The following CIMIP2A variants were observed in gnomAD, a reference collection of about 807,000 sequenced individuals.
The protein encoded by CIMIP2A is ciliary microtubule inner protein 2A, also known as family with sequence similarity 166 member A.
At chr9:137,253,263 C>T in the CIMIP2A span, 47 of 1,597,606 alleles carry the variant, frequency 2.9e-5, no homozygotes, top group South Asian at 1.6e-4. Flanking sequence ...TGGGCACAAC[C>T]TGCTTGGCCC....
the CIMIP2A span, among the ~76,000 whole-genome samples, chr9:137,248,742 C>T: frequency 6.6e-6 from 1 of 152,054 alleles, no homozygotes; most frequent in Non-Finnish European, 1.5e-5. Context: ...GGTGAATGTG[C>T]CTGTGATCCC....
chr9:137,250,116 A>G, the CIMIP2A span: 1 of 152,178 alleles, frequency 6.6e-6, no homozygotes, highest in African/African-American at 2.4e-5. Flanking sequence ...CCCTCCCTCA[A>G]CATTTGGGCA....
chr9:137,252,907 C>T, the CIMIP2A span: 8 of 1,598,650 alleles, frequency 5.0e-6, no homozygotes, highest in Admixed American at 8.6e-5. Flanking sequence ...TGCAGAGCCC[C>T]CGCTCGCCGG....
At chr9:137,252,512 A>G in the CIMIP2A span, 1 of 1,546,788 alleles carries the variant, frequency 6.5e-7, no homozygotes, top group Non-Finnish European at 8.7e-7. Context: ...GCTGACTTCG[A>G]CCAAGAGCAA....
At chr9:137,254,650 C>T in the CIMIP2A span, among the ~76,000 whole-genome samples, 4 of 152,186 alleles carry the variant, frequency 2.6e-5, no homozygotes, top group Admixed American at 2.6e-4. Flanking sequence ...GGGCTTGGCG[C>T]GGCACAGCCT....
chr9:137,248,260 G>T, the CIMIP2A span, among the ~76,000 whole-genome samples: 1 of 152,166 alleles, frequency 6.6e-6, no homozygotes, highest in Non-Finnish European at 1.5e-5. Context: ...AAAAATGAAG[G>T]AAGGCGGCCA....
the CIMIP2A span, among the ~76,000 whole-genome samples, chr9:137,248,150 T>C: frequency 3.3e-5 from 5 of 152,324 alleles, no homozygotes; most frequent in Middle Eastern, 3.4e-3. Flanking sequence ...CTGTGCGAAC[T>C]CTCCCTCCAG....
the CIMIP2A span, among the ~76,000 whole-genome samples, chr9:137,246,605 T>C: frequency 3.9e-5 from 6 of 152,076 alleles, no homozygotes; most frequent in African/African-American, 1.4e-4. Flanking sequence ...CTATTAAAAA[T>C]GCAAAAAGTT....
At chr9:137,245,061 C>T in the CIMIP2A span, 1 of 1,610,772 alleles carries the variant, frequency 6.2e-7, no homozygotes, top group Non-Finnish European at 8.5e-7. Flanking sequence ...GGGCGGCCTT[C>T]TCCAGCCCAG....
the CIMIP2A span, among the ~76,000 whole-genome samples, chr9:137,249,222 T>C: frequency 6.6e-6 from 1 of 152,258 alleles, no homozygotes; most frequent in African/African-American, 2.4e-5. Flanking sequence ...AGGACCATAA[T>C]CACATACATG....
At chr9:137,253,271 C>G in the CIMIP2A span, 1 of 1,592,442 alleles carries the variant, frequency 6.3e-7, no homozygotes, top group East Asian at 2.3e-5. Context: ...ACCTGCTTGG[C>G]CCGGCCACCG....
At chr9:137,246,969 C>T in the CIMIP2A span, among the ~76,000 whole-genome samples, 4 of 151,920 alleles carry the variant, frequency 2.6e-5, no homozygotes, top group Admixed American at 6.6e-5. Flanking sequence ...GGCAGCCTGG[C>T]GTTTGCTTGC....
chr9:137,246,101 C>T, the CIMIP2A span, among the ~76,000 whole-genome samples: 1 of 152,350 alleles, frequency 6.6e-6, no homozygotes, highest in East Asian at 1.9e-4. Flanking sequence ...AGCAGATGGC[C>T]GCCTGCCTTG....
At chr9:137,245,650 G>T in the CIMIP2A span, 1 of 1,607,540 alleles carries the variant, frequency 6.2e-7, no homozygotes, top group Non-Finnish European at 8.5e-7. Context: ...GGTGTAGTGG[G>T]GGATGTAGGG....
At chr9:137,245,819 C>T in the CIMIP2A span, 16 of 1,509,794 alleles carry the variant, frequency 1.1e-5, no homozygotes, top group Non-Finnish European at 1.4e-5. Context: ...GTGTTCCCCA[C>T]CTGGTAGCGC....
the CIMIP2A span, chr9:137,251,078 A>G: frequency 1.7e-6 from 1 of 578,482 alleles, no homozygotes; most frequent in Non-Finnish European, 3.1e-6. Flanking sequence ...CTGGGCCAGG[A>G]GTCACCGGGG....
the CIMIP2A span, chr9:137,243,785 A>T: frequency 3.1e-6 from 5 of 1,613,916 alleles, no homozygotes; most frequent in Non-Finnish European, 4.2e-6. Flanking sequence ...GTTGTCCTGC[A>T]TGGCTGCGGG....
the CIMIP2A span, among the ~76,000 whole-genome samples, chr9:137,254,627 G>A: frequency 1.3e-5 from 2 of 152,274 alleles, no homozygotes; most frequent in African/African-American, 2.4e-5. Context: ...AAAAGAGAGA[G>A]GGTGTGTGTA....
At chr9:137,248,341 G>C in the CIMIP2A span, among the ~76,000 whole-genome samples, 1 of 151,478 alleles carries the variant, frequency 6.6e-6, no homozygotes, top group Non-Finnish European at 1.5e-5. Context: ...TCAGGAGTTC[G>C]AGACCAGCCT....
Sources: gnomAD v4.1 joint callset for allele counts (sites outside exome capture counted in the v4.1 genomes callset) on GRCh38, gnomAD v4.1.1 for gene constraint, MANE v1.5 for transcripts, NCBI Gene and HGNC (gene_info 2026-07-23, HGNC 2026-07-21) for gene names.